SRGAP1: variants seen among roughly 807,000 people sequenced by gnomAD.
The protein encoded by SRGAP1 is SLIT-ROBO Rho GTPase-activating protein 1.
A neutral mutation model predicts 121.9 loss-of-function variants in SRGAP1; 43 were observed. That is an observed-to-expected ratio of 0.35 (90% CI 0.28 to 0.46). SRGAP1 has a LOEUF of 0.46. SRGAP1 is among the 20% of genes least tolerant of loss of function. The pLI is 1.00. For synonymous variants in SRGAP1, 447 were observed against 485.4 expected (o/e 0.92, Z 1.04); for missense variants, 1,102 against 1,350.9 (o/e 0.82, Z 2.89).
chr12:63,988,842 G>A (rs1303752979), intron 2 of SRGAP1, among the ~76,000 whole-genome samples: 1 of 152,034 alleles, frequency 6.6e-6, no homozygotes, highest in African/African-American at 2.4e-5. Context: ...ACAGAGTCTC[G>A]CCCTGTCGCC....
chr12:63,885,579 T>A (rs1445619113), intron 1 of SRGAP1, among the ~76,000 whole-genome samples: 1 of 152,232 alleles, frequency 6.6e-6, no homozygotes, highest in Non-Finnish European at 1.5e-5. Context: ...GCAAGGCTTG[T>A]CTGTTTAAAT....
chr12:63,855,678 G>A (rs1007031667), intron 1 of SRGAP1, among the ~76,000 whole-genome samples: 1 of 151,274 alleles, frequency 6.6e-6, no homozygotes, highest in Non-Finnish European at 1.5e-5. Context: ...TAGTAGAGAC[G>A]GAGTTCCACC....
chr12:63,850,929 G>T (rs1420635369), intron 1 of SRGAP1, among the ~76,000 whole-genome samples: 1 of 151,420 alleles, frequency 6.6e-6, no homozygotes, highest in East Asian at 2.0e-4. Context: ...GCCGAGGCGG[G>T]TGGATTGCTT....
At chr12:63,915,998 A>G (rs2030753223) in intron 1 of SRGAP1, among the ~76,000 whole-genome samples, 1 of 151,462 alleles carries the variant, frequency 6.6e-6, no homozygotes, top group African/African-American at 2.4e-5. Context: ...CTTGGAAGCA[A>G]AATGCTCAGA....
chr12:64,071,039 T>A (rs1307424173), intron 8 of SRGAP1, among the ~76,000 whole-genome samples: 3 of 152,204 alleles, frequency 2.0e-5, no homozygotes, highest in Non-Finnish European at 4.4e-5. Context: ...TTGACTTGCC[T>A]GCAACCTTCT....
At chr12:63,882,898 G>A (rs1233324220) in intron 1 of SRGAP1, among the ~76,000 whole-genome samples, 4 of 152,156 alleles carry the variant, frequency 2.6e-5, no homozygotes, top group Non-Finnish European at 5.9e-5. Flanking sequence ...GCTTTTCAAC[G>A]CCAGTGAGAA....
intron 1 of SRGAP1, among the ~76,000 whole-genome samples, chr12:63,921,960 A>G (rs899977493): frequency 1.3e-5 from 2 of 152,044 alleles, no homozygotes; most frequent in African/African-American, 4.8e-5. Flanking sequence ...TGTGAAGGAA[A>G]TCAAGATAGG....
At chr12:64,103,692 G>A (rs2036294929) in intron 15 of SRGAP1, among the ~76,000 whole-genome samples, 1 of 152,138 alleles carries the variant, frequency 6.6e-6, no homozygotes, top group Non-Finnish European at 1.5e-5. Flanking sequence ...TTAATAGGCT[G>A]AGTATCTGAA....
In SRGAP1 at chr12:64,042,937, A is replaced by G; in HGVS notation, c.637A>G (p.Ser213Gly). The change falls in exon 5 of 22, where the codon AGC becomes GGC. Residue 213 changes from serine to glycine, a missense_variant. Ser to Gly is a moderately conservative substitution (Grantham distance 56). Transcript: ENST00000355086. ...IRLEERHQRR[S>G]SVKKIEKMKE... ...ACTAGAGGAGAGACATCAACGGCGAAGCTCTGTAAAGAAAATTGAAAAAAT... is the reference window on the plus strand; with the variant it reads ...ACTAGAGGAGAGACATCAACGGCGAGGCTCTGTAAAGAAAATTGAAAAAAT... 1.2e-6 allele frequency: 2 copies of G among 1,613,404 alleles called. No homozygotes were observed. The highest frequency in any genetic ancestry group is 2.2e-5 in the South Asian group (2 of 91,022).
At chr12:63,912,466 T>A (rs992670655) in intron 1 of SRGAP1, among the ~76,000 whole-genome samples, 1 of 151,994 alleles carries the variant, frequency 6.6e-6, no homozygotes, top group African/African-American at 2.4e-5. Flanking sequence ...AATAAAAAAT[T>A]ACCCAGGCGT....
intron 1 of SRGAP1, among the ~76,000 whole-genome samples, chr12:63,873,055 G>A (rs1369862703): frequency 6.6e-6 from 1 of 152,168 alleles, no homozygotes; most frequent in African/African-American, 2.4e-5. Flanking sequence ...AGTGTTTTAA[G>A]TGCCTTGAGC....
Position 64,011,922 on chromosome 12 carries a change from C to G in SRGAP1, c.427-5028C>G, listed in dbSNP as rs532115146. Among the ~76,000 whole-genome samples, 180 of 152,124 alleles carry G rather than the reference C, an allele frequency of 1.2e-3. 1 individual carries two copies. Among genetic ancestry groups the G allele is most frequent in the African/African-American group, 4.1e-3 (171 of 41,448 alleles). Reference sequence around the variant, plus strand: ...CTTGAGCCCAGCCTGGGCAACATGGCAAAACCCTCTCTACATAAAATACAA... The same window carrying G: ...CTTGAGCCCAGCCTGGGCAACATGGGAAAACCCTCTCTACATAAAATACAA... On this transcript the variant is annotated intron_variant, in intron 3 of 21. Transcript: ENST00000355086.
At chr12:63,926,409 A>C (rs569860829) in intron 1 of SRGAP1, among the ~76,000 whole-genome samples, 1 of 152,132 alleles carries the variant, frequency 6.6e-6, no homozygotes, top group Non-Finnish European at 1.5e-5. Flanking sequence ...CAGAGAGGTG[A>C]AGTTCTTTGG....
chr12:63,894,621 A>G (rs1165324618), intron 1 of SRGAP1, among the ~76,000 whole-genome samples: 1 of 150,762 alleles, frequency 6.6e-6, no homozygotes, highest in East Asian at 1.9e-4. Flanking sequence ...GTCCCTCCCC[A>G]CTTCCCCACC....
intron 6 of SRGAP1, among the ~76,000 whole-genome samples, chr12:64,053,205 AG>A (rs1179806498): frequency 3.9e-5 from 6 of 152,188 alleles, no homozygotes; most frequent in African/African-American, 1.4e-4. Flanking sequence ...ATTTTCTGTA[AG>A]GGGCCAGATG....
chr12:63,845,641 A>G (rs1298207938), intron 1 of SRGAP1, among the ~76,000 whole-genome samples: 2 of 149,596 alleles, frequency 1.3e-5, no homozygotes, highest in East Asian at 4.0e-4. Context: ...GATTATTTTT[A>G]CTTTCTATGC....
chr12:63,851,504 G>C (rs1043238082), intron 1 of SRGAP1, among the ~76,000 whole-genome samples: 1 of 152,030 alleles, frequency 6.6e-6, no homozygotes, highest in African/African-American at 2.4e-5. Flanking sequence ...CTGATTAGTT[G>C]TGTGATCTCT....
chr12:63,862,739 G>C (rs1565925297), intron 1 of SRGAP1, among the ~76,000 whole-genome samples: 1 of 152,172 alleles, frequency 6.6e-6, no homozygotes, highest in South Asian at 2.1e-4. Context: ...ATGGCGCTGT[G>C]TATTTCTTTT....
intron 4 of SRGAP1, among the ~76,000 whole-genome samples, chr12:64,031,646 A>G (rs1047353933): frequency 7.2e-5 from 11 of 152,076 alleles, no homozygotes; most frequent in African/African-American, 2.4e-4. Context: ...ATCCTACACT[A>G]TTTCCTCTGA....
Sources: gnomAD v4.1 joint callset for allele counts (sites outside exome capture counted in the v4.1 genomes callset) on GRCh38, gnomAD v4.1.1 for gene constraint, MANE v1.5 for transcripts, NCBI Gene and HGNC (gene_info 2026-07-23, HGNC 2026-07-21) for gene names.